GSK3B: variants seen among roughly 807,000 people sequenced by gnomAD.
GSK3B encodes the protein glycogen synthase kinase 3 beta.
In GSK3B, 15 loss-of-function variants were observed where a neutral mutation model predicts 56.4. The ratio of observed to expected loss-of-function variants is 0.27; its 90% CI spans 0.18 to 0.41. The LOEUF (loss-of-function observed/expected upper bound fraction) is 0.41. Ranked by LOEUF, GSK3B falls within the 10% of genes least tolerant of loss-of-function variation. The pLI is 1.00. For missense variants in GSK3B, 300 were observed against 513.4 expected (o/e 0.58, Z 4.02); for synonymous variants, 181 against 188.9 (o/e 0.96, Z 0.34).
chr3:119,859,090 A>G (rs2056063598), intron 9 of GSK3B, among the ~76,000 whole-genome samples: 1 of 152,230 alleles, frequency 6.6e-6, no homozygotes, highest in South Asian at 2.1e-4. Flanking sequence ...AATAAACATA[A>G]GCTGTTGGAA....
At chr3:120,023,074 CT>C (rs2057893033) in intron 1 of GSK3B, among the ~76,000 whole-genome samples, 1 of 152,016 alleles carries the variant, frequency 6.6e-6, no homozygotes, top group Non-Finnish European at 1.5e-5. Context: ...TCTTTGTCAT[CT>C]CCTACTGTTA....
intron 2 of GSK3B, among the ~76,000 whole-genome samples, chr3:119,976,784 AAT>A (rs1390177951): frequency 1.2e-3 from 183 of 147,270 alleles, no homozygotes; most frequent in Middle Eastern, 3.4e-3. Flanking sequence ...AAAAAAAAAA[AAT>A]AGAAAGGTTT....
chr3:120,072,093 G>A (rs1225025821), intron 1 of GSK3B, among the ~76,000 whole-genome samples: 3 of 152,134 alleles, frequency 2.0e-5, no homozygotes, highest in Admixed American at 1.3e-4. Flanking sequence ...CAGACAATAG[G>A]CATGGCAGAG....
At chr3:119,906,529 C>T (rs1370281045) in intron 6 of GSK3B, among the ~76,000 whole-genome samples, 1 of 152,162 alleles carries the variant, frequency 6.6e-6, no homozygotes, top group East Asian at 1.9e-4. Context: ...TTAAAGTATA[C>T]ATCCTGGTTT....
At chr3:120,090,117 T>C (rs1379911896) in intron 1 of GSK3B, among the ~76,000 whole-genome samples, 2 of 152,066 alleles carry the variant, frequency 1.3e-5, no homozygotes, top group Non-Finnish European at 2.9e-5. Context: ...TGGCTACATA[T>C]CTAAAATGTT....
At chr3:119,978,084 A>T (rs760652458) in intron 2 of GSK3B, among the ~76,000 whole-genome samples, 3 of 152,188 alleles carry the variant, frequency 2.0e-5, no homozygotes, top group Non-Finnish European at 4.4e-5. Context: ...CAAGCCCCTC[A>T]TTCTAAAATT....
intron 1 of GSK3B, among the ~76,000 whole-genome samples, chr3:120,039,701 C>T (rs116862535): frequency 4.4e-4 from 67 of 152,258 alleles, no homozygotes; most frequent in African/African-American, 1.3e-3. Context: ...TTGTGTAGTC[C>T]GAACCCAGCC....
intron 2 of GSK3B, among the ~76,000 whole-genome samples, chr3:119,971,718 T>TCTC (rs2057369161): frequency 7.1e-6 from 1 of 140,004 alleles, no homozygotes; most frequent in Admixed American, 7.4e-5. Flanking sequence ...TTCACGCCAT[T>TCTC]CTCCTGCCTC....
chr3:120,093,320 G>A (rs755649245), intron 1 of GSK3B, 27 bp downstream of exon 1: 2 of 1,402,376 alleles, frequency 1.4e-6, no homozygotes, highest in Non-Finnish European at 2.0e-6. Flanking sequence ...AGGTGGAAAA[G>A]GGGTGTAAAA....
At chr3:119,865,464 A>ATTT (rs2056168376) in intron 8 of GSK3B, among the ~76,000 whole-genome samples, 3 of 28,528 alleles carry the variant, frequency 1.1e-4, no homozygotes, top group Non-Finnish European at 2.2e-4. Context: ...ATATATATAT[A>ATTT]TATTTTTTTT....
chr3:119,984,693 T>A (rs1248125923), intron 2 of GSK3B, among the ~76,000 whole-genome samples: 1 of 152,032 alleles, frequency 6.6e-6, no homozygotes, highest in Admixed American at 6.6e-5. Flanking sequence ...AATAGACCAA[T>A]AACAGGCTCT....
At chr3:119,988,393 G>A (rs1163316096) in intron 2 of GSK3B, among the ~76,000 whole-genome samples, 4 of 152,118 alleles carry the variant, frequency 2.6e-5, no homozygotes, top group Non-Finnish European at 1.5e-5. Context: ...CCATAATTTT[G>A]AAACTATCTG....
chr3:119,859,187 A>AG (rs2056066190), intron 9 of GSK3B, among the ~76,000 whole-genome samples: 1 of 151,468 alleles, frequency 6.6e-6, no homozygotes, highest in Non-Finnish European at 1.5e-5. Context: ...GTGTATATAA[A>AG]AAAAAAAAAA....
intron 7 of GSK3B, among the ~76,000 whole-genome samples, chr3:119,897,397 T>C (rs572871113): frequency 1.6e-4 from 25 of 152,196 alleles, no homozygotes; most frequent in Non-Finnish European, 3.4e-4. Flanking sequence ...CCGTTTTTCT[T>C]ATTTTAAAAA....
At chr3:120,086,629 T>C (rs1244227151) in intron 1 of GSK3B, among the ~76,000 whole-genome samples, 2 of 152,044 alleles carry the variant, frequency 1.3e-5, no homozygotes, top group African/African-American at 4.8e-5. Context: ...ACCCCCTCTC[T>C]ATAAAAACTA....
At chr3:120,048,033 C>G (rs1559890495) in intron 1 of GSK3B, among the ~76,000 whole-genome samples, 1 of 152,300 alleles carries the variant, frequency 6.6e-6, no homozygotes, top group East Asian at 1.9e-4. Context: ...TAATACACTT[C>G]CAAATATATG....
At chr3:119,874,758 T>C in intron 8 of GSK3B, among the ~76,000 whole-genome samples, 1 of 152,092 alleles carries the variant, frequency 6.6e-6, no homozygotes, top group Non-Finnish European at 1.5e-5. Context: ...AATCATGCAC[T>C]TTCTTCTTAC....
rs200270062 is a variant in GSK3B, at chr3:119,826,875, A to G, written c.1196-20T>C. On this transcript the variant is annotated intron_variant, in intron 10 of 10. Coordinates refer to ENST00000264235, the MANE Select transcript of GSK3B (RefSeq NM_001146156.2). Reference sequence around the variant, plus strand: ...TAGCATCTGCAAGTCAAAAAGTCCCAAGAGAGAGCATGAGCAATGCTATAA... The same window carrying G: ...TAGCATCTGCAAGTCAAAAAGTCCCGAGAGAGAGCATGAGCAATGCTATAA... The G allele has an allele frequency of 2.6e-6, 4 of 1,509,836 alleles. No individual in the cohort carries two copies. Among genetic ancestry groups the G allele is most frequent in the African/African-American group, 1.4e-5 (1 of 73,056 alleles). 93.5% of individuals were successfully genotyped at this position (1,509,836 alleles called of 1,614,324 possible). A position where few individuals can be genotyped will look rare whatever the true frequency, so the allele number is the denominator to read the frequency against.
rs546135112 is a variant in GSK3B at position 119,839,778 on chromosome 3, C to T, written c.1195+3477G>A. 1.1e-4 allele frequency among the ~76,000 whole-genome samples: 16 copies of T among 152,218 alleles called. No homozygotes were observed. In the South Asian group the frequency reaches 2.1e-3, roughly 20 times the overall value. ...TAAAAGTGGCTCCACCTCTAAGATA[C>T]GAATCATTTTGATGTTATGTGCTCC... is the stretch of plus-strand genomic sequence containing the variant. On this transcript the variant is annotated intron_variant, in intron 10 of 10. Transcript: ENST00000264235.
Sources: gnomAD v4.1 joint callset for allele counts (sites outside exome capture counted in the v4.1 genomes callset) on GRCh38, gnomAD v4.1.1 for gene constraint, MANE v1.5 for transcripts, NCBI Gene and HGNC (gene_info 2026-07-23, HGNC 2026-07-21) for gene names.